Variants in EVI5 observed in about 807,000 individuals in gnomAD.
EVI5 encodes the protein ecotropic viral integration site 5 protein homolog.
In EVI5, 73 loss-of-function variants were observed where a neutral mutation model predicts 112.0. The observed-to-expected ratio is 0.65, with a 90% CI of 0.54 to 0.79. EVI5 has a LOEUF of 0.79. Among genes scored for constraint, EVI5 ranks in the 30% least tolerant of loss-of-function variants. EVI5 has a pLI of 0.00. For missense variants in EVI5, 900 were observed against 968.8 expected, an observed-to-expected ratio of 0.93 and a Z score of 0.94; for synonymous variants, 305 against 319.9, an observed-to-expected ratio of 0.95 and a Z score of 0.50.
At chr1:92,773,253 T>C (rs895198989) in intron 1 of EVI5, among the ~76,000 whole-genome samples, 3 of 149,940 alleles carry the variant, frequency 2.0e-5, no homozygotes, top group Admixed American at 6.7e-5. Flanking sequence ...AAATAGGAGA[T>C]AGGACAAATA....
In EVI5 at chr1:92,509,051, C is replaced by G. The variant is rs201473307; in HGVS notation, c.*4605G>C. On this transcript the variant is annotated 3_prime_UTR_variant, in exon 20 of 20. Coordinates refer to ENST00000684568, the MANE Select transcript of EVI5 (RefSeq NM_001350197.2). ...ACTCATTGTTTTGGTAAGTAAATAA[C>G]TGATTTCATGAAATGTTCGCTGTCA... 1.3e-5 allele frequency: 2 copies of G among 152,164 alleles called. No homozygotes were observed. 9.4% of individuals were successfully genotyped at this position (152,164 alleles called of 1,614,324 possible).
chr1:92,789,147 A>G (rs1041343502), upstream of EVI5, among the ~76,000 whole-genome samples: 1 of 152,064 alleles, frequency 6.6e-6, no homozygotes, highest in Non-Finnish European at 1.5e-5. Context: ...TACATTACTC[A>G]TCTACTAGAT....
intron 19 of EVI5, among the ~76,000 whole-genome samples, chr1:92,535,473 G>T (rs531247882): frequency 4.6e-5 from 7 of 152,228 alleles, no homozygotes; most frequent in African/African-American, 1.7e-4. Context: ...GTTTACTGCG[G>T]CACTGTTCAT....
chr1:92,767,605 CAAT>C (rs1682832351), intron 1 of EVI5, among the ~76,000 whole-genome samples: 1 of 152,164 alleles, frequency 6.6e-6, no homozygotes, highest in Non-Finnish European at 1.5e-5. Flanking sequence ...TACTAAATAT[CAAT>C]AAAATAATTT....
chr1:92,774,449 A>G (rs763759326), intron 1 of EVI5, among the ~76,000 whole-genome samples: 2 of 152,238 alleles, frequency 1.3e-5, no homozygotes, highest in Non-Finnish European at 2.9e-5. Context: ...CAAAGACAAC[A>G]GCAAATAATC....
At chr1:92,554,982 G>A (rs1173388738) in intron 19 of EVI5, among the ~76,000 whole-genome samples, 2 of 152,016 alleles carry the variant, frequency 1.3e-5, no homozygotes, top group African/African-American at 2.4e-5. Flanking sequence ...CTTGTCTCCA[G>A]AAAAAAGAAA....
chr1:92,569,779 G>A (rs1213358428), intron 18 of EVI5, among the ~76,000 whole-genome samples: 1 of 150,130 alleles, frequency 6.7e-6, no homozygotes, highest in Non-Finnish European at 1.5e-5. Context: ...GCTTGAACCC[G>A]GGAGGTGGAG....
intron 19 of EVI5, among the ~76,000 whole-genome samples, chr1:92,550,401 G>T (rs1571469457): frequency 6.6e-6 from 1 of 150,456 alleles, no homozygotes; most frequent in East Asian, 2.0e-4. Context: ...ATGTAAATGA[G>T]GAGTTAATGG....
chr1:92,727,587 T>C (rs1195860155), intron 2 of EVI5, among the ~76,000 whole-genome samples: 1 of 152,000 alleles, frequency 6.6e-6, no homozygotes, highest in African/African-American at 2.4e-5. Context: ...TTGAGATGAA[T>C]GTAAATGTGA....
intron 9 of EVI5, among the ~76,000 whole-genome samples, chr1:92,686,029 T>A (rs775004368): frequency 5.9e-5 from 9 of 152,126 alleles, no homozygotes; most frequent in African/African-American, 9.7e-5. Flanking sequence ...AAAGAGGGAA[T>A]CCACCTTAGC....
At chr1:92,604,326 G>A (rs1649871718) in intron 18 of EVI5, among the ~76,000 whole-genome samples, 1 of 151,586 alleles carries the variant, frequency 6.6e-6, no homozygotes, top group Non-Finnish European at 1.5e-5. Context: ...CTAAACTCCG[G>A]TCTGGGCAAC....
intron 2 of EVI5, among the ~76,000 whole-genome samples, chr1:92,711,664 G>T (rs1162413444): frequency 1.3e-5 from 2 of 152,104 alleles, no homozygotes; most frequent in Non-Finnish European, 2.9e-5. Context: ...CAAAAAAAAG[G>T]CAGAGAGATT....
At chr1:92,566,425 C>G (rs1158722213) in intron 18 of EVI5, among the ~76,000 whole-genome samples, 1 of 152,128 alleles carries the variant, frequency 6.6e-6, no homozygotes, top group South Asian at 2.1e-4. Flanking sequence ...AAACACATTA[C>G]TCGTGTTTGT....
chr1:92,770,561 C>T (rs868202487), intron 1 of EVI5, among the ~76,000 whole-genome samples: 3 of 152,156 alleles, frequency 2.0e-5, no homozygotes, highest in African/African-American at 4.8e-5. Flanking sequence ...GAGGCCAAGG[C>T]GGGCTGATCA....
intron 8 of EVI5, 43 bp downstream of exon 8, chr1:92,694,256 C>T: frequency 8.2e-7 from 1 of 1,221,198 alleles, no homozygotes; most frequent in South Asian, 1.3e-5. Flanking sequence ...CAGAACTAAA[C>T]TCTGTCTCAA....
At chr1:92,664,485 T>TA (rs59296856) in intron 11 of EVI5, among the ~76,000 whole-genome samples, 84 of 143,956 alleles carry the variant, frequency 5.8e-4, no homozygotes, top group Admixed American at 6.9e-4. Context: ...TCCAAAGATT[T>TA]AAAAAAAAAA....
intron 19 of EVI5, among the ~76,000 whole-genome samples, chr1:92,528,095 C>T (rs563753633): frequency 6.6e-6 from 1 of 152,344 alleles, no homozygotes; most frequent in Non-Finnish European, 1.5e-5. Context: ...GCCTAGTTAA[C>T]TGTCAAAGCC....
intron 13 of EVI5, among the ~76,000 whole-genome samples, chr1:92,660,506 C>T (rs941855679): frequency 6.6e-6 from 1 of 151,924 alleles, no homozygotes; most frequent in African/African-American, 2.4e-5. Context: ...TCTGGTGTTA[C>T]ATTGCACAGT....
At chr1:92,714,229 G>T (rs1673279875) in intron 2 of EVI5, 1 of 645,006 alleles carries the variant, frequency 1.6e-6, no homozygotes, top group Non-Finnish European at 1.9e-6. Context: ...ACTATGAAAA[G>T]AAAAAAGTTT....
Sources: allele counts gnomAD v4.1 joint callset (sites outside exome capture counted in the v4.1 genomes callset), GRCh38; gene constraint gnomAD v4.1.1; transcripts MANE v1.5; gene names NCBI Gene and HGNC (gene_info 2026-07-23, HGNC 2026-07-21).